MBNL2: variants seen among roughly 807,000 people sequenced by gnomAD.
MBNL2 encodes the protein muscleblind like splicing regulator 2, also known as muscleblind-like protein 2.
MBNL2 carries 17 observed loss-of-function variants against 41.9 expected under a neutral mutation model. The observed-to-expected ratio is 0.41, with a 90% CI of 0.28 to 0.61. The LOEUF is 0.61. Ranked by LOEUF, MBNL2 falls within the 20% of genes least tolerant of loss-of-function variation. MBNL2 has a pLI of 0.35. For missense variants in MBNL2, 336 were observed against 505.6 expected, an observed-to-expected ratio of 0.66 and a Z score of 3.22; for synonymous variants, 195 against 182.9, an observed-to-expected ratio of 1.07 and a Z score of -0.53.
chr13:97,160,455 C>T, the MBNL2 span, among the ~76,000 whole-genome samples: 26 of 152,262 alleles, frequency 1.7e-4, no homozygotes, highest in Non-Finnish European at 3.2e-4. Flanking sequence ...AATTTCTTTG[C>T]TTTTGTTGAA....
chr13:97,166,141 C>A, the MBNL2 span, among the ~76,000 whole-genome samples: 1 of 152,130 alleles, frequency 6.6e-6, no homozygotes, highest in African/African-American at 2.4e-5. Context: ...ACATAGCATT[C>A]CATGTTGGGT....
chr13:97,200,191 A>G, the MBNL2 span, among the ~76,000 whole-genome samples: 3 of 152,176 alleles, frequency 2.0e-5, no homozygotes, highest in African/African-American at 7.2e-5. Flanking sequence ...AGCTGCACGT[A>G]CACCCACTCC....
chr13:97,288,326 T>G (rs2055092643), intron 2 of MBNL2, among the ~76,000 whole-genome samples: 1 of 152,180 alleles, frequency 6.6e-6, no homozygotes, highest in South Asian at 2.1e-4. Context: ...CATAAGAAAG[T>G]CACTGTGAAA....
intron 8 of MBNL2, among the ~76,000 whole-genome samples, chr13:97,369,863 G>C (rs1341375706): frequency 6.6e-6 from 1 of 152,124 alleles, no homozygotes; most frequent in Non-Finnish European, 1.5e-5. Flanking sequence ...TTTGGGAGCA[G>C]ATAAGGAAAC....
intron 1 of MBNL2, among the ~76,000 whole-genome samples, chr13:97,239,123 C>T (rs768114246): frequency 1.3e-5 from 2 of 152,242 alleles, no homozygotes; most frequent in African/African-American, 4.8e-5. Flanking sequence ...AACTGCAATA[C>T]AGAGACTGCT....
the MBNL2 span, among the ~76,000 whole-genome samples, chr13:97,156,252 T>C: frequency 7.6e-6 from 1 of 131,744 alleles, no homozygotes; most frequent in African/African-American, 2.9e-5. Flanking sequence ...TTGTTTGTTT[T>C]TTTCTTGTAA....
rs144219795 is a variant in MBNL2, at chr13:97,290,682, CAAA to C, written c.174+14290_174+14292del. Among the ~76,000 whole-genome samples, 183 of 114,876 alleles carry C rather than the reference CAAA, an allele frequency of 1.6e-3. 1 individual carries two copies. The highest frequency in any genetic ancestry group is 9.3e-3 in the East Asian group (37 of 3,998). The allele number at this position is 114,876 out of a possible 152,430, so 75.4% of individuals were successfully genotyped here. On this transcript the variant is annotated intron_variant, in intron 2 of 8. Coordinates refer to ENST00000679496, the MANE Select transcript of MBNL2 (RefSeq NM_001382683.1). The stretch of plus-strand genomic sequence containing the variant: ...TGGGCGACAGAGCGAGACTCCGTCT[CAAA>C]AAAAAAAAAAAAAAAAGAAAGAAAC...
At chr13:97,296,872 T>G (rs893880579) in intron 2 of MBNL2, among the ~76,000 whole-genome samples, 2 of 152,182 alleles carry the variant, frequency 1.3e-5, no homozygotes, top group African/African-American at 4.8e-5. Flanking sequence ...CATTGCCATT[T>G]AAATAATAGT....
At chr13:97,219,203 A>G (rs115444895), upstream of MBNL2, among the ~76,000 whole-genome samples, 261 of 152,242 alleles carry the variant, frequency 1.7e-3, no homozygotes, top group African/African-American at 5.6e-3. Context: ...TTTGAGATGC[A>G]CTGCTCTGGA....
At chr13:97,203,774 G>A in the MBNL2 span, among the ~76,000 whole-genome samples, 1 of 152,098 alleles carries the variant, frequency 6.6e-6, no homozygotes, top group East Asian at 1.9e-4. Flanking sequence ...TCTTCTCCAT[G>A]AGGACCTGTA....
intron 2 of MBNL2, among the ~76,000 whole-genome samples, chr13:97,280,345 C>T (rs540635957): frequency 7.2e-5 from 11 of 152,196 alleles, no homozygotes; most frequent in East Asian, 1.9e-4. Context: ...TTACCACTTT[C>T]GGGAAGTATT....
chr13:97,363,249 A>C (rs1413226264), intron 7 of MBNL2: 2 of 152,506 alleles, frequency 1.3e-5, no homozygotes, highest in Admixed American at 1.3e-4. Flanking sequence ...GGATACACAA[A>C]CATGGAAGCT....
chr13:97,323,077 G>A (rs903284544), intron 2 of MBNL2, among the ~76,000 whole-genome samples: 1 of 152,196 alleles, frequency 6.6e-6, no homozygotes, highest in Non-Finnish European at 1.5e-5. Context: ...ACCTGAGATG[G>A]AAGTCATTTC....
the MBNL2 span, among the ~76,000 whole-genome samples, chr13:97,196,906 G>T: frequency 6.6e-6 from 1 of 152,148 alleles, no homozygotes; most frequent in African/African-American, 2.4e-5. Context: ...AATTTAAATT[G>T]AATGTCCCTT....
rs564009717 is a variant in MBNL2 at position 97,317,171 on chromosome 13, A to G, written c.175-17105A>G. 2.0e-5 allele frequency among the ~76,000 whole-genome samples: 3 copies of G among 152,184 alleles called. No homozygotes were observed. In the East Asian group the frequency reaches 5.8e-4, roughly 29 times the overall value. Reference sequence around the variant, plus strand: ...TGGGAGATGCCAAGCTTTGTGATGGATGATGCATCAATTGGGCTTCAGTCC... The same window carrying G: ...TGGGAGATGCCAAGCTTTGTGATGGGTGATGCATCAATTGGGCTTCAGTCC... On this transcript the variant is annotated intron_variant, in intron 2 of 8. Coordinates refer to ENST00000679496, the MANE Select transcript of MBNL2 (RefSeq NM_001382683.1).
chr13:97,151,138 A>C, the MBNL2 span, among the ~76,000 whole-genome samples: 1 of 152,354 alleles, frequency 6.6e-6, no homozygotes, highest in African/African-American at 2.4e-5. Context: ...CTGCCTTGGC[A>C]GATCCCAGAA....
At chr13:97,287,939 G>GT (rs139487015) in intron 2 of MBNL2, among the ~76,000 whole-genome samples, 58,991 of 113,918 alleles carry the variant, frequency 0.52, 15,971 homozygotes, top group Non-Finnish European at 0.62. Flanking sequence ...GTTTTGTTTT[G>GT]TTTTTTTTTT....
the MBNL2 span, among the ~76,000 whole-genome samples, chr13:97,214,781 C>T: frequency 1.3e-5 from 2 of 152,154 alleles, no homozygotes; most frequent in Non-Finnish European, 2.9e-5. Context: ...GGAGAAAGGG[C>T]GAATTCTAGT....
chr13:97,250,880 T>C lies in MBNL2; in HGVS notation c.-604-24752T>C, dbSNP rs115486643. 7.0e-3 allele frequency among the ~76,000 whole-genome samples: 1,072 copies of C among 152,292 alleles called. 13 individuals carry two copies. The highest frequency in any genetic ancestry group is 0.024 in the African/African-American group (989 of 41,546). ...TGGAGGGAGTTTTAGCCATGGTATA[T>C]ACAGCACAAGTATGTCATCTTTGCT... is the stretch of plus-strand genomic sequence containing the variant. On this transcript the variant is annotated intron_variant, in intron 1 of 8. Coordinates refer to ENST00000679496, the MANE Select transcript of MBNL2 (RefSeq NM_001382683.1).
Sources: allele counts gnomAD v4.1 joint callset (sites outside exome capture counted in the v4.1 genomes callset), GRCh38; gene constraint gnomAD v4.1.1; transcripts MANE v1.5; gene names NCBI Gene and HGNC (gene_info 2026-07-23, HGNC 2026-07-21).